Variants in UFSP2 observed in about 807,000 individuals in gnomAD.
UFSP2 encodes the protein ufm1-specific protease 2.
In UFSP2, 43 loss-of-function variants were observed where a neutral mutation model predicts 60.2. That is an observed-to-expected ratio of 0.71 (90% CI 0.56 to 0.92). The LOEUF (loss-of-function observed/expected upper bound fraction) is 0.92. Among genes scored for constraint, UFSP2 ranks in the 40% least tolerant of loss-of-function variants. The pLI is 0.00. For missense variants in UFSP2, 520 were observed against 575.0 expected, an observed-to-expected ratio of 0.90 and a Z score of 0.98; for synonymous variants, 183 against 195.1, an observed-to-expected ratio of 0.94 and a Z score of 0.52.
At chr4:185,403,654 A>C in intron 10 of UFSP2, 36 bp from the exon 11 acceptor site, 4 of 1,598,794 alleles carry the variant, frequency 2.5e-6, no homozygotes, top group Non-Finnish European at 3.4e-6. Flanking sequence ...GAATGAAGGC[A>C]TAAACAAATG....
At chr4:185,420,033 C>G (rs553008591) in intron 2 of UFSP2, among the ~76,000 whole-genome samples, 2 of 152,310 alleles carry the variant, frequency 1.3e-5, no homozygotes, top group Admixed American at 6.5e-5. Context: ...CATCAGTAAT[C>G]TATAAGGATT....
chr4:185,400,003 G>C lies in UFSP2; in HGVS notation c.*389C>G. 1.2e-6 allele frequency: 2 copies of C among 1,602,562 alleles called. No individual in the cohort carries two copies. Among genetic ancestry groups the C allele is most frequent in the Middle Eastern group, 1.7e-4 (1 of 6,016 alleles). On this transcript the variant is annotated 3_prime_UTR_variant, in exon 12 of 12. Coordinates refer to ENST00000264689, the MANE Select transcript of UFSP2 (RefSeq NM_018359.5). ...AAAAAAAAGTTTTTAATGTTAACGT[G>C]TTTTTAAAAACAGATGTCACGTGGG...
Position 185,400,586 on chromosome 4 carries a change from A to G in UFSP2, c.1324-108T>C, listed in dbSNP as rs1431005531. ...GCAGGACCTTGGAATAAGACTCTAA[A>G]TGGCTTTATCATTCAAGGATTTGAA... On this transcript the variant is annotated intron_variant, in intron 11 of 11. Coordinates refer to ENST00000264689, the MANE Select transcript of UFSP2 (RefSeq NM_018359.5). 4.5e-6 allele frequency: 3 copies of G among 660,878 alleles called. No individual in the cohort carries two copies. In the Admixed American group the frequency reaches 9.4e-5, roughly 21 times the overall value. 40.9% of individuals were successfully genotyped at this position (660,878 alleles called of 1,614,324 possible). A position where few individuals can be genotyped will look rare whatever the true frequency, so the allele number is the denominator to read the frequency against.
intron 4 of UFSP2, chr4:185,416,219 T>C (rs2095538427): frequency 6.3e-6 from 1 of 158,518 alleles, no homozygotes; most frequent in Non-Finnish European, 1.4e-5. Context: ...GAAGTAAAGA[T>C]GAAATCAGAC....
chr4:185,406,202 A>G (rs2095520192), intron 9 of UFSP2: 2 of 319,400 alleles, frequency 6.3e-6, no homozygotes, highest in Non-Finnish European at 1.2e-5. Context: ...CAGAAGAATG[A>G]GTGTTAAGTC....
At chr4:185,424,537 A>C (rs1037371435) in intron 1 of UFSP2, among the ~76,000 whole-genome samples, 1 of 152,238 alleles carries the variant, frequency 6.6e-6, no homozygotes, top group East Asian at 1.9e-4. Context: ...ATTTATTCTA[A>C]GGAAACAATC....
At chr4:185,409,587 A>G (rs1181884273) in intron 7 of UFSP2, among the ~76,000 whole-genome samples, 1 of 152,230 alleles carries the variant, frequency 6.6e-6, no homozygotes, top group Admixed American at 6.5e-5. Flanking sequence ...ATTCTGCCCA[A>G]GCACAGATAG....
chr4:185,406,765 A>G (rs1265489149), intron 9 of UFSP2, among the ~76,000 whole-genome samples: 3 of 151,936 alleles, frequency 2.0e-5, no homozygotes, highest in Non-Finnish European at 4.4e-5. Flanking sequence ...TAGTAGAGAC[A>G]GGGTTTCACC....
chr4:185,425,043 C>T (rs1043271352), intron 1 of UFSP2, among the ~76,000 whole-genome samples: 4 of 152,202 alleles, frequency 2.6e-5, no homozygotes, highest in African/African-American at 2.4e-5. Context: ...TAGGTGACTA[C>T]CCCAGATGGA....
intron 7 of UFSP2, among the ~76,000 whole-genome samples, chr4:185,409,732 T>C (rs908250911): frequency 6.6e-6 from 1 of 152,224 alleles, no homozygotes; most frequent in Non-Finnish European, 1.5e-5. Context: ...AAGGTATTCA[T>C]AGACGTGATT....
chr4:185,412,496 G>C (rs535198417), intron 7 of UFSP2, among the ~76,000 whole-genome samples: 15 of 152,232 alleles, frequency 9.9e-5, no homozygotes, highest in African/African-American at 3.6e-4. Flanking sequence ...ATTAATAAAT[G>C]CCACCATACG....
Position 185,413,735 on chromosome 4 carries a change from C to T in UFSP2, c.822G>A (p.Glu274=), listed in dbSNP as rs1160951565. 6.2e-7 allele frequency: 1 copy of T among 1,609,638 alleles called. No homozygotes were observed. Among genetic ancestry groups the T allele is most frequent in the South Asian group, 1.1e-5 (1 of 89,852 alleles). ...PHTYLNPPNM[E]TGMIYVVQGI... ...AATTAGTTAAACTCACCATACCAGT[C>T]TCCATGTTAGGTGGATTAAGGTAAG... The change falls in exon 7 of 12, where the codon GAG becomes GAA. Residue 274 remains glutamate, a synonymous_variant. Coordinates refer to ENST00000264689, the MANE Select transcript of UFSP2 (RefSeq NM_018359.5).
At chr4:185,403,643 C>G in intron 10 of UFSP2, 25 bp from the exon 11 acceptor site, 1 of 1,595,728 alleles carries the variant, frequency 6.3e-7, no homozygotes, top group Non-Finnish European at 8.5e-7. Context: ...ATAGGAAATA[C>G]GAATGAAGGC....
chr4:185,404,415 C>T (rs1029661938), intron 10 of UFSP2, among the ~76,000 whole-genome samples: 3 of 151,062 alleles, frequency 2.0e-5, no homozygotes, highest in African/African-American at 7.3e-5. Flanking sequence ...CCTGCCTCAG[C>T]CTCCTGAGTA....
At chr4:185,415,396 A>G (rs185340770) in intron 5 of UFSP2, 49 bp from the exon 6 acceptor site, 2 of 1,440,236 alleles carry the variant, frequency 1.4e-6, no homozygotes, top group Non-Finnish European at 1.9e-6. Flanking sequence ...TAGTGACTAC[A>G]ATAAAGAAAA....
intron 2 of UFSP2, among the ~76,000 whole-genome samples, chr4:185,420,613 C>T (rs2095547714): frequency 6.6e-6 from 1 of 152,100 alleles, no homozygotes; most frequent in Non-Finnish European, 1.5e-5. Context: ...TGATATGTTT[C>T]AGAAAGCAGA....
Position 185,411,296 on chromosome 4 carries a change from C to T in UFSP2, c.831+2430G>A, listed in dbSNP as rs992873957. On this transcript the variant is annotated intron_variant, in intron 7 of 11. Transcript: ENST00000264689. ...AAATCTTCTCACAAAGAAAATGCTA[C>T]GCCAAAATTGTTTTACAGGCAAGTT... 5.3e-5 allele frequency among the ~76,000 whole-genome samples: 8 copies of T among 151,740 alleles called. No homozygotes were observed. In the East Asian group the frequency reaches 5.8e-4, roughly 11 times the overall value.
In UFSP2 at chr4:185,415,813, C is replaced by A; in HGVS notation, c.388G>T (p.Val130Leu). 1 of 1,613,714 alleles carries A rather than the reference C, an allele frequency of 6.2e-7. No individual in the cohort carries two copies. The highest frequency in any genetic ancestry group is 8.5e-7 in the Non-Finnish European group (1 of 1,179,682). The change falls in exon 5 of 12, where the codon GTA becomes TTA. Residue 130 changes from valine (V) to leucine (L), a missense_variant. Transcript: ENST00000264689. ...CTTTCCCTTTCAATGATGGGCGTTA[C>A]AGCTGCCAGGGAGGTTGACATTTCC... Reference protein sequence around the residue: ...MLEMSTSLAAVTPIIERESGG... With the variant: ...MLEMSTSLAALTPIIERESGG...
chr4:185,408,387 G>A lies in UFSP2; in HGVS notation c.880C>T (p.Arg294Cys), dbSNP rs756602734. The change falls in exon 8 of 12, where the codon CGC becomes TGC. Residue 294 changes from arginine (R) to cysteine (C), a missense_variant. Physicochemically the swap from Arg to Cys is radical, Grantham distance 180. Transcript: ENST00000264689. ...CAGCCCCAGCCATTGTCATCTATGC[G>A]ATCCTGCATATAATGATGATAGCCA... ...IYGYHHYMQD[R>C]IDDNGWGCAY... The A allele has an allele frequency of 1.7e-5, 28 of 1,613,956 alleles. No homozygotes were observed. In the South Asian group the frequency reaches 2.5e-4, roughly 15 times the overall value.
Sources: allele counts gnomAD v4.1 joint callset (sites outside exome capture counted in the v4.1 genomes callset), GRCh38; gene constraint gnomAD v4.1.1; transcripts MANE v1.5; gene names NCBI Gene and HGNC (gene_info 2026-07-23, HGNC 2026-07-21).